Variants in ABCB1 observed in about 807,000 individuals in gnomAD.
ABCB1 encodes ATP binding cassette subfamily B member 1.
ABCB1 carries 69 observed loss-of-function variants against 142.0 expected under a neutral mutation model. That is an observed-to-expected ratio of 0.49 (90% CI 0.40 to 0.59). The LOEUF (loss-of-function observed/expected upper bound fraction) is 0.59. Among genes scored for constraint, ABCB1 ranks in the 20% least tolerant of loss-of-function variants. The pLI, the probability that ABCB1 is intolerant of heterozygous loss-of-function variation, is 0.00. For synonymous variants in ABCB1, 532 were observed against 539.2 expected, an observed-to-expected ratio of 0.99 and a Z score of 0.18; for missense variants, 1,326 against 1,554.7, an observed-to-expected ratio of 0.85 and a Z score of 2.47.
At chr7:87,531,579 A>C in intron 20 of ABCB1, 82 bp from the exon 21 acceptor site, 1 of 1,236,288 alleles carries the variant, frequency 8.1e-7, no homozygotes. Flanking sequence ...ACTCACCTTC[A>C]TGAGACTATA....
At chr7:87,555,695 T>C (rs1360203852) in intron 8 of ABCB1, among the ~76,000 whole-genome samples, 1 of 152,144 alleles carries the variant, frequency 6.6e-6, no homozygotes, top group East Asian at 1.9e-4. Context: ...AAATTATTTT[T>C]GAGAAACGTT....
At position 87,550,590 on chromosome 7, in the gene ABCB1, C is replaced by A. The variant is rs1817014691; in HGVS notation, c.1114-12G>T. Reference sequence around the variant, plus strand: ...TCAATACTTGGCTTCTAAACAGAATCAAATTTTAAGAGATTACTAGGTTAC... The same window carrying A: ...TCAATACTTGGCTTCTAAACAGAATAAAATTTTAAGAGATTACTAGGTTAC... On this transcript the variant is annotated splice_polypyrimidine_tract_variant and intron_variant, in intron 10 of 27. Transcript: ENST00000622132. 1 of 1,610,114 alleles carries A rather than the reference C, an allele frequency of 6.2e-7. No homozygotes were observed. The highest frequency in any genetic ancestry group is 8.5e-7 in the Non-Finnish European group (1 of 1,177,268).
chr7:87,604,770 G>T (rs1278281286), upstream of ABCB1, among the ~76,000 whole-genome samples: 2 of 152,112 alleles, frequency 1.3e-5, no homozygotes, highest in African/African-American at 2.4e-5. Flanking sequence ...TAATTAAGTC[G>T]CTTAGTGAGT....
chr7:87,525,708 G>T (rs938750278), intron 21 of ABCB1, among the ~76,000 whole-genome samples: 1 of 152,082 alleles, frequency 6.6e-6, no homozygotes, highest in Non-Finnish European at 1.5e-5. Flanking sequence ...CTAAGGAAAA[G>T]GAGGAAGAAG....
intron 3 of ABCB1, among the ~76,000 whole-genome samples, chr7:87,593,867 C>T (rs1217252998): frequency 1.3e-5 from 2 of 152,150 alleles, no homozygotes; most frequent in African/African-American, 4.8e-5. Flanking sequence ...TCTCCCCACT[C>T]GCCTTTTGCC....
At position 87,509,297 on chromosome 7, in the gene ABCB1, G is replaced by C. The variant is rs778901580; in HGVS notation, c.3467C>G (p.Ala1156Gly). The part of the protein sequence containing the change: ...VRAAKEANIH[A>G]FIESLPNKYS... ...TACATTAGGCAGTGACTCGATGAAG[G>C]CATGTATGTTGGCCTCCTTTGCTGC... The change falls in exon 26 of 28, where the codon GCC becomes GGC. Residue 1156 changes from alanine (A) to glycine (G), a missense_variant. Coordinates refer to ENST00000622132, the MANE Select transcript of ABCB1 (RefSeq NM_001348946.2). The C allele has an allele frequency of 6.2e-7, 1 of 1,614,154 alleles. No individual in the cohort carries two copies. The highest frequency in any genetic ancestry group is 1.7e-5 in the Admixed American group (1 of 60,022).
chr7:87,707,710 A>T (rs1829734952), intron 1 of ABCB1, among the ~76,000 whole-genome samples: 1 of 151,952 alleles, frequency 6.6e-6, no homozygotes, highest in African/African-American at 2.4e-5. Flanking sequence ...ATAAAATAAA[A>T]TAAATACTGC....
At chr7:87,615,754 A>G (rs1455343028) in intron 1 of ABCB1, among the ~76,000 whole-genome samples, 2 of 152,234 alleles carry the variant, frequency 1.3e-5, no homozygotes, top group African/African-American at 4.8e-5. Flanking sequence ...TATTAATAAG[A>G]AGTGATCAAA....
chr7:87,666,634 G>T (rs1034350096), intron 1 of ABCB1, among the ~76,000 whole-genome samples: 7 of 151,924 alleles, frequency 4.6e-5, no homozygotes, highest in Non-Finnish European at 4.4e-5. Context: ...TTTACATTTA[G>T]GTCTTTAATC....
At position 87,636,930 on chromosome 7, in the gene ABCB1, A is replaced by G. The variant is rs1432940094; in HGVS notation, c.-330-35852T>C. Among the ~76,000 whole-genome samples, 4 of 152,162 alleles carry G rather than the reference A, an allele frequency of 2.6e-5. No individual in the cohort carries two copies. In the South Asian group the frequency reaches 6.2e-4, roughly 24 times the overall value. ...CTCAGGAAACTTACAAGCATGGTGG[A>G]AGGGGAAGTAAACATGTCCTTCTTC... On this transcript the variant is annotated intron_variant, in intron 1 of 28. Transcript: ENST00000265724.
intron 3 of ABCB1, among the ~76,000 whole-genome samples, chr7:87,594,365 T>C (rs1289391542): frequency 6.6e-6 from 1 of 152,226 alleles, no homozygotes; most frequent in Non-Finnish European, 1.5e-5. Flanking sequence ...CACACAGTGC[T>C]TTATGTGTGC....
At chr7:87,609,566 G>A (rs1468115605) in intron 1 of ABCB1, among the ~76,000 whole-genome samples, 2 of 152,186 alleles carry the variant, frequency 1.3e-5, no homozygotes, top group African/African-American at 4.8e-5. Context: ...TTCTAACAGT[G>A]AGGATTTTAG....
upstream of ABCB1, among the ~76,000 whole-genome samples, chr7:87,602,367 TCTAATTGCATATG>T (rs1181897381): frequency 3.3e-5 from 5 of 151,322 alleles, no homozygotes; most frequent in African/African-American, 1.2e-4. Context: ...TTCCACATGT[TCTAATTGCATATG>T]CAAGTGTACA....
chr7:87,703,087 A>G (rs1829237369), intron 1 of ABCB1, among the ~76,000 whole-genome samples: 1 of 152,190 alleles, frequency 6.6e-6, no homozygotes, highest in African/African-American at 2.4e-5. Flanking sequence ...AGTAGAAAAT[A>G]AAGATTGAAA....
intron 1 of ABCB1, among the ~76,000 whole-genome samples, chr7:87,689,076 T>G (rs112008256): frequency 2.9e-4 from 44 of 152,158 alleles, no homozygotes; most frequent in African/African-American, 9.6e-4. Flanking sequence ...ATAAAATGAT[T>G]CAAAATTTAG....
chr7:87,543,309 T>A (rs1429733177), intron 17 of ABCB1, among the ~76,000 whole-genome samples: 2 of 152,024 alleles, frequency 1.3e-5, no homozygotes, highest in Non-Finnish European at 2.9e-5. Context: ...TAACAATTCT[T>A]GAATAAATAT....
chr7:87,570,100 A>G, intron 5 of ABCB1, 72 bp downstream of exon 5: 1 of 1,406,726 alleles, frequency 7.1e-7, no homozygotes, highest in Non-Finnish European at 1.0e-6. Context: ...ATGATAATGC[A>G]AAGTTTTAAA....
At chr7:87,538,810 C>G (rs1199338914) in intron 19 of ABCB1, among the ~76,000 whole-genome samples, 1 of 152,050 alleles carries the variant, frequency 6.6e-6, no homozygotes, top group Non-Finnish European at 1.5e-5. Context: ...GTATTTCAGA[C>G]TAGCCTCAGA....
At chr7:87,676,896 G>T (rs936805856) in intron 1 of ABCB1, among the ~76,000 whole-genome samples, 1 of 151,960 alleles carries the variant, frequency 6.6e-6, no homozygotes, top group Non-Finnish European at 1.5e-5. Flanking sequence ...ACTCATCAGA[G>T]AAATGCAAAT....
Sources: gnomAD v4.1 joint callset for allele counts (sites outside exome capture counted in the v4.1 genomes callset) on GRCh38, gnomAD v4.1.1 for gene constraint, MANE v1.5 for transcripts, NCBI Gene and HGNC (gene_info 2026-07-23, HGNC 2026-07-21) for gene names.